Variants in OVCH1 observed in about 807,000 individuals in gnomAD.
The protein encoded by OVCH1 is ovochymase-1.
Under a neutral mutation model 138.4 loss-of-function variants are expected in OVCH1, and 139 were observed. That is an observed-to-expected ratio of 1.00 (90% CI 0.87 to 1.16). The LOEUF (loss-of-function observed/expected upper bound fraction) is 1.16. Among genes scored for constraint, OVCH1 ranks in the 50% most tolerant of loss-of-function variants. The pLI is 0.00. For synonymous variants in OVCH1, 453 were observed against 467.8 expected (o/e 0.97, Z 0.41); for missense variants, 1,367 against 1,357.9 (o/e 1.01, Z -0.11).
intron 18 of OVCH1, among the ~76,000 whole-genome samples, chr12:29,463,422 G>T (rs1164138918): frequency 6.6e-6 from 1 of 152,150 alleles, no homozygotes; most frequent in Non-Finnish European, 1.5e-5. Context: ...AGCAAGCTTG[G>T]TGTTTAAGAG....
chr12:29,494,245 A>G (rs2136095799), intron 4 of OVCH1, among the ~76,000 whole-genome samples: 1 of 152,290 alleles, frequency 6.6e-6, no homozygotes, highest in South Asian at 2.1e-4. Context: ...GTCAATCTCT[A>G]GGATCTTAAA....
chr12:29,420,787 A>AT lies in OVCH1; in HGVS notation c.*71+2339dup, dbSNP rs1357217631. 6.2e-4 allele frequency among the ~76,000 whole-genome samples: 5 copies of AT among 8,086 alleles called. 2 individuals are homozygous for AT. The East Asian group carries it at 7.2e-3, about 12-fold the overall frequency. 5.3% of individuals were successfully genotyped at this position (8,086 alleles called of 152,430 possible). On this transcript the variant is annotated intron_variant and NMD_transcript_variant, in intron 3 of 4. Coordinates refer to the OVCH1 transcript ENST00000539117. ...CGCCTCGGCCTCCCAAAGTGCTGGG[A>AT]TTACAGGCGTGAGCCACCGCGCCCG...
chr12:29,430,482 C>G (rs1295235612), intron 27 of OVCH1, among the ~76,000 whole-genome samples: 1 of 152,106 alleles, frequency 6.6e-6, no homozygotes, highest in Non-Finnish European at 1.5e-5. Context: ...CCAGGTCTTG[C>G]TACAGCTGCT....
exon 24 of OVCH1, chr12:29,444,148 A>C: frequency 1.9e-6 from 3 of 1,605,588 alleles, no homozygotes; most frequent in Non-Finnish European, 2.5e-6. Context: ...TCCTTACCCC[A>C]TAGTAGTTCT....
At chr12:29,412,889 C>G (rs1486718330) in intron 3 of OVCH1, among the ~76,000 whole-genome samples, 1 of 152,202 alleles carries the variant, frequency 6.6e-6, no homozygotes, top group African/African-American at 2.4e-5. Context: ...ACGCTGTCAT[C>G]CAGACTAGAG....
chr12:29,445,384 T>C, exon 23 of OVCH1: 1 of 1,610,218 alleles, frequency 6.2e-7, no homozygotes, highest in South Asian at 1.1e-5. Flanking sequence ...TTGAGTAAAG[T>C]CTTCTTCCAT....
chr12:29,496,525 A>G, intron 2 of OVCH1, 31 bp downstream of exon 2: 1 of 1,513,072 alleles, frequency 6.6e-7, no homozygotes, highest in Admixed American at 1.8e-5. Context: ...CTGTTTTCTC[A>G]TTAAGAAATC....
chr12:29,491,605 G>A (rs1037632950), intron 4 of OVCH1, among the ~76,000 whole-genome samples: 10 of 151,838 alleles, frequency 6.6e-5, no homozygotes, highest in South Asian at 4.2e-4. Context: ...TAAAGAACCT[G>A]GGAAGCTTAG....
intron 19 of OVCH1, 45 bp downstream of exon 19, chr12:29,461,809 G>T (rs1942143461): frequency 3.1e-6 from 5 of 1,610,456 alleles, no homozygotes; most frequent in Non-Finnish European, 4.2e-6. Context: ...CTCTTCAGCA[G>T]ATGGCAATTT....
chr12:29,484,476 A>G (rs767294061), intron 8 of OVCH1, among the ~76,000 whole-genome samples: 7 of 152,204 alleles, frequency 4.6e-5, no homozygotes, highest in East Asian at 1.9e-4. Flanking sequence ...TTATATTAGA[A>G]CTGGAGATAC....
downstream of OVCH1, chr12:29,423,410 A>G (rs1235198978): frequency 7.7e-6 from 3 of 391,432 alleles, no homozygotes; most frequent in East Asian, 7.2e-5. Flanking sequence ...TAACAAAAGA[A>G]TGATTGTCAG....
rs1030891306 is a variant in OVCH1, at chr12:29,485,708, G to A, written c.995+538C>T. ...GGAGAATGGCGTTAACCCGGAAGGC[G>A]GAGGTTGCAGTGAGCCGAGATTGTG... On this transcript the variant is annotated intron_variant, in intron 8 of 27. Coordinates refer to ENST00000318184, the Ensembl canonical transcript of OVCH1. Among the ~76,000 whole-genome samples, 4 of 151,796 alleles carry A rather than the reference G, an allele frequency of 2.6e-5. No individual in the cohort carries two copies. The East Asian group carries it at 5.9e-4, about 22-fold the overall frequency.
the OVCH1 span, among the ~76,000 whole-genome samples, chr12:29,405,033 A>C: frequency 8.4e-4 from 123 of 145,924 alleles, no homozygotes; most frequent in African/African-American, 2.8e-3. Flanking sequence ...AAAAAAAAAA[A>C]AAAAAAAAAA....
At chr12:29,411,649 A>AAT (rs1940958008), downstream of OVCH1, among the ~76,000 whole-genome samples, 1 of 151,972 alleles carries the variant, frequency 6.6e-6, no homozygotes, top group East Asian at 1.9e-4. Context: ...CTGCTGTCTG[A>AAT]TCGTTCCTCT....
intron 19 of OVCH1, among the ~76,000 whole-genome samples, chr12:29,455,627 A>T (rs1022027114): frequency 2.0e-5 from 3 of 152,250 alleles, no homozygotes; most frequent in African/African-American, 7.2e-5. Context: ...GGGTGAAGAT[A>T]AAGCTTAGTT....
In OVCH1 at chr12:29,461,900, ATCT is replaced by A. The variant is rs768685113; in HGVS notation, c.2231_2233del (p.Lys744del). Reference sequence around the variant, plus strand: ...AGATGCTGCAAAGCCAGCACAGATCATCTTCTCTGTGATCCCTCCTGGATGGGC... The same window carrying A: ...AGATGCTGCAAAGCCAGCACAGATCATCTCTGTGATCCCTCCTGGATGGGC... On this transcript the variant is annotated inframe_deletion, in exon 19 of 28. Coordinates refer to ENST00000318184, the Ensembl canonical transcript of OVCH1. 5.6e-6 allele frequency: 9 copies of A among 1,613,768 alleles called. No individual in the cohort carries two copies. The African/African-American group carries it at 8.0e-5, about 14-fold the overall frequency.
chr12:29,432,012 C>A (rs1941278573), intron 27 of OVCH1, among the ~76,000 whole-genome samples: 1 of 152,186 alleles, frequency 6.6e-6, no homozygotes, highest in Non-Finnish European at 1.5e-5. Flanking sequence ...ATAAACAATT[C>A]TTGAGTACTA....
chr12:29,473,161 C>CA, intron 14 of OVCH1, 58 bp from the exon 15 acceptor site: 1 of 1,217,004 alleles, frequency 8.2e-7, no homozygotes, highest in Non-Finnish European at 1.2e-6. Context: ...TAACTGACCC[C>CA]ACTTGCTTAC....
chr12:29,478,807 C>G, intron 9 of OVCH1, 28 bp downstream of exon 10: 1 of 1,478,536 alleles, frequency 6.8e-7, no homozygotes, highest in Non-Finnish European at 9.1e-7. Context: ...TCTAAAATGA[C>G]AAATAAAAAC....
Sources: allele counts gnomAD v4.1 joint callset (sites outside exome capture counted in the v4.1 genomes callset), GRCh38; gene constraint gnomAD v4.1.1; transcripts MANE v1.5; gene names NCBI Gene and HGNC (gene_info 2026-07-23, HGNC 2026-07-21).